UGGT1: variants seen among roughly 807,000 people sequenced by gnomAD.
UGGT1 encodes the protein UDP-glucose glycoprotein glucosyltransferase 1, also known as UDP-glucose:glycoprotein glucosyltransferase 1.
UGGT1 carries 107 observed loss-of-function variants against 203.9 expected under a neutral mutation model. The ratio of observed to expected loss-of-function variants is 0.52; its 90% CI spans 0.45 to 0.62. The LOEUF (loss-of-function observed/expected upper bound fraction) is 0.62, where lower values mean the gene tolerates loss of function less well. Ranked by LOEUF, UGGT1 falls within the 20% of genes least tolerant of loss-of-function variation. The probability of loss-of-function intolerance (pLI) is 0.00; values close to 1 mark genes in which losing one functional copy is unlikely to be tolerated. For synonymous variants in UGGT1, 628 were observed against 653.5 expected (o/e 0.96, Z 0.59); for missense variants, 1,673 against 1,867.2 (o/e 0.90, Z 1.92).
At chr2:128,122,468 A>G (rs929445524) in intron 10 of UGGT1, among the ~76,000 whole-genome samples, 1 of 151,932 alleles carries the variant, frequency 6.6e-6, no homozygotes, top group Non-Finnish European at 1.5e-5. Flanking sequence ...CGGGAGGTGA[A>G]GGTTACAGTG....
intron 13 of UGGT1, among the ~76,000 whole-genome samples, chr2:128,132,222 T>C (rs1315292816): frequency 1.3e-5 from 2 of 152,076 alleles, no homozygotes; most frequent in Non-Finnish European, 2.9e-5. Context: ...TTTTTCCGAT[T>C]TTTTTTTACA....
chr2:128,091,553 A>G, intron 1 of UGGT1, 138 bp downstream of exon 1: 2 of 1,441,180 alleles, frequency 1.4e-6, no homozygotes, highest in Non-Finnish European at 1.8e-6. Context: ...CCCTTCCCCT[A>G]TTCGCGAGCG....
chr2:128,178,841 T>A (rs965165654), intron 34 of UGGT1, among the ~76,000 whole-genome samples: 1 of 152,206 alleles, frequency 6.6e-6, no homozygotes, highest in Admixed American at 6.5e-5. Flanking sequence ...GTTTACTGCC[T>A]GCCAAACATT....
intron 14 of UGGT1, among the ~76,000 whole-genome samples, chr2:128,134,142 A>C (rs1029057275): frequency 2.0e-5 from 3 of 151,990 alleles, no homozygotes; most frequent in Non-Finnish European, 2.9e-5. Flanking sequence ...GGTTCAAGTG[A>C]TTCTCCTGCC....
In UGGT1 at chr2:128,156,373, T is replaced by A. The variant is rs761459084; in HGVS notation, c.2237-19T>A. 6.3e-7 allele frequency: 1 copy of A among 1,581,906 alleles called. No homozygotes were observed. Among genetic ancestry groups the A allele is most frequent in the Non-Finnish European group, 8.7e-7 (1 of 1,152,380 alleles). On this transcript the variant is annotated intron_variant, in intron 20 of 40. Transcript: ENST00000259253. The stretch of plus-strand genomic sequence containing the variant: ...AAATGATACTTTTTTTCTACTCTTT[T>A]CTCTTTACCTTTGTTCAGGAATGTC...
chr2:128,144,718 C>T (rs1558790592), intron 17 of UGGT1, among the ~76,000 whole-genome samples: 1 of 152,170 alleles, frequency 6.6e-6, no homozygotes, highest in Admixed American at 6.5e-5. Context: ...CTGTCAGTTT[C>T]TGTGCTGTTA....
intron 28 of UGGT1, 40 bp downstream of exon 28, chr2:128,171,324 A>G (rs1290049026): frequency 2.6e-6 from 4 of 1,563,796 alleles, no homozygotes; most frequent in Admixed American, 1.8e-5. Flanking sequence ...AAGAAATTGT[A>G]CTGAATCCAA....
intron 18 of UGGT1, among the ~76,000 whole-genome samples, chr2:128,147,422 C>G (rs976146141): frequency 5.3e-5 from 8 of 151,980 alleles, no homozygotes; most frequent in Non-Finnish European, 8.8e-5. Context: ...TCTTTTAGTT[C>G]TTGAATATAT....
At chr2:128,107,800 G>A (rs1190911058) in intron 3 of UGGT1, 138 bp from the exon 4 acceptor site, 1 of 1,172,444 alleles carries the variant, frequency 8.5e-7, no homozygotes, top group Non-Finnish European at 1.2e-6. Context: ...TTAAGCATTT[G>A]TTGAGAGTTC....
intron 25 of UGGT1, 41 bp downstream of exon 25, chr2:128,161,309 T>C: frequency 1.2e-6 from 2 of 1,600,776 alleles, no homozygotes; most frequent in Non-Finnish European, 1.7e-6. Context: ...GTTATATAAT[T>C]GGACTTTCCT....
Position 128,129,018 on chromosome 2 carries a change from T to C in UGGT1, c.1227-11T>C, listed in dbSNP as rs377341771. On this transcript the variant is annotated splice_polypyrimidine_tract_variant and intron_variant, in intron 12 of 40. Transcript: ENST00000259253. The stretch of plus-strand genomic sequence containing the variant: ...TTCCTAGTAAATATCTCTTTTTGTT[T>C]TTCCCCCCAGTCTGTTTGATGTGTT... 1.6e-5 allele frequency: 25 copies of C among 1,546,148 alleles called. No homozygotes were observed. In the East Asian group the frequency reaches 3.0e-4, roughly 19 times the overall value.
chr2:128,135,684 C>A (rs1689100332), intron 15 of UGGT1, among the ~76,000 whole-genome samples: 1 of 152,124 alleles, frequency 6.6e-6, no homozygotes, highest in African/African-American at 2.4e-5. Flanking sequence ...TACTTTCAAA[C>A]CCTTTAGGGA....
At chr2:128,133,516 CTAT>C (rs1181537069) in intron 14 of UGGT1, among the ~76,000 whole-genome samples, 2 of 152,132 alleles carry the variant, frequency 1.3e-5, no homozygotes, top group Non-Finnish European at 2.9e-5. Flanking sequence ...AAGGTTTAGA[CTAT>C]TGTTTTAGTC....
chr2:128,172,845 C>T, intron 29 of UGGT1, 83 bp downstream of exon 29: 1 of 1,271,606 alleles, frequency 7.9e-7, no homozygotes, highest in Non-Finnish European at 1.1e-6. Context: ...GCCTCTGAGA[C>T]ATCAGTGTTC....
intron 25 of UGGT1, among the ~76,000 whole-genome samples, chr2:128,161,734 G>T (rs921716618): frequency 6.6e-6 from 1 of 152,124 alleles, no homozygotes; most frequent in Non-Finnish European, 1.5e-5. Context: ...ATTGGTTGTT[G>T]TCGGTTTTTA....
intron 11 of UGGT1, 79 bp from the exon 12 acceptor site, chr2:128,127,282 G>C: frequency 1.1e-6 from 1 of 952,026 alleles, no homozygotes; most frequent in Non-Finnish European, 1.6e-6. Context: ...GATTTGTACA[G>C]GTAGTGAAGC....
Position 128,157,265 on chromosome 2 carries a change from T to A in UGGT1, c.2274T>A (p.Ile758=), listed in dbSNP as rs1282251932. Residue 758 remains isoleucine, a synonymous_variant, in exon 22 of 41, where the codon ATT becomes ATA. Transcript: ENST00000259253. The part of the protein sequence containing the change: ...SSKEIYDDSF[I]RPVTFWIVGD... ...GTTTTTCTACAGATGATTCTTTTAT[T>A]AGGCCAGTAACTTTTTGGATTGTTG... The A allele has an allele frequency of 6.2e-7, 1 of 1,614,036 alleles. No homozygotes were observed. The highest frequency in any genetic ancestry group is 8.5e-7 in the Non-Finnish European group (1 of 1,179,900).
At chr2:128,164,911 T>G (rs1313638604) in intron 26 of UGGT1, 86 bp downstream of exon 26, 2 of 971,892 alleles carry the variant, frequency 2.1e-6, no homozygotes, top group East Asian at 5.7e-5. Flanking sequence ...TTTTTCCATA[T>G]AAGATTTATA....
At chr2:128,160,617 A>T in intron 24 of UGGT1, 26 bp downstream of exon 24, 1 of 1,598,938 alleles carries the variant, frequency 6.3e-7, no homozygotes, top group Middle Eastern at 1.7e-4. Context: ...GCTTGACTTC[A>T]CATTAGATCC....
Sources: allele counts gnomAD v4.1 joint callset (sites outside exome capture counted in the v4.1 genomes callset), GRCh38; gene constraint gnomAD v4.1.1; transcripts MANE v1.5; gene names NCBI Gene and HGNC (gene_info 2026-07-23, HGNC 2026-07-21).